Variants in ARHGAP44 observed in about 807,000 individuals in gnomAD.
The protein encoded by ARHGAP44 is rho GTPase-activating protein 44.
Under a neutral mutation model 106.8 loss-of-function variants are expected in ARHGAP44, and 43 were observed. That is an observed-to-expected ratio of 0.40 (90% CI 0.32 to 0.52). The LOEUF (loss-of-function observed/expected upper bound fraction) is 0.52, where lower values mean the gene tolerates loss of function less well. Among genes scored for constraint, ARHGAP44 ranks in the 20% least tolerant of loss-of-function variants. The probability of loss-of-function intolerance (pLI) is 0.48; values close to 1 mark genes in which losing one functional copy is unlikely to be tolerated. For missense variants in ARHGAP44, 866 were observed against 1,050.5 expected, an observed-to-expected ratio of 0.82 and a Z score of 2.43; for synonymous variants, 439 against 410.3, an observed-to-expected ratio of 1.07 and a Z score of -0.85.
At chr17:12,893,770 C>T (rs1206273029) in intron 1 of ARHGAP44, among the ~76,000 whole-genome samples, 2 of 152,070 alleles carry the variant, frequency 1.3e-5, no homozygotes, top group East Asian at 3.9e-4. Context: ...CTAGGCTGCT[C>T]CTTTCTTTGT....
chr17:12,989,928 T>C (rs981433561), intron 20 of ARHGAP44, 104 bp from the exon 21 acceptor site: 1 of 1,486,844 alleles, frequency 6.7e-7, no homozygotes, highest in Non-Finnish European at 9.2e-7. Context: ...ATCCCTAGAA[T>C]AGCAGCACCC....
intron 9 of ARHGAP44, 57 bp downstream of exon 9, chr17:12,943,726 G>A: frequency 6.5e-7 from 1 of 1,539,966 alleles, no homozygotes. Context: ...TGCCTTCCCG[G>A]ATGAGATGAA....
intron 1 of ARHGAP44, among the ~76,000 whole-genome samples, chr17:12,868,566 A>T (rs2150877747): frequency 7.5e-6 from 1 of 133,266 alleles, no homozygotes; most frequent in East Asian, 2.0e-4. Context: ...CCAAAAAGTC[A>T]TTTAAAAAGT....
chr17:12,898,213 T>C (rs1281984976), intron 3 of ARHGAP44, among the ~76,000 whole-genome samples: 2 of 152,242 alleles, frequency 1.3e-5, no homozygotes, highest in Non-Finnish European at 2.9e-5. Context: ...TTACGGACGA[T>C]TTCTAGTTGT....
intron 18 of ARHGAP44, among the ~76,000 whole-genome samples, chr17:12,977,761 C>A (rs560815563): frequency 6.6e-6 from 1 of 152,086 alleles, no homozygotes. Context: ...GTGTCCGGGC[C>A]GGGCGTGGTA....
Position 12,980,059 on chromosome 17 carries a change from A to G in ARHGAP44, c.1765A>G (p.Thr589Ala). 1 of 1,601,420 alleles carries G rather than the reference A, an allele frequency of 6.2e-7. No homozygotes were observed. The highest frequency in any genetic ancestry group is 8.5e-7 in the Non-Finnish European group (1 of 1,173,460). Residue 589 changes from threonine to alanine, a missense_variant and splice_region_variant, in exon 19 of 21, where the codon ACA (threonine) becomes GCA (alanine). Thr to Ala is a moderately conservative substitution (Grantham distance 58). Around this residue, in one of 2 missense-constraint regions of ARHGAP44, gnomAD observed 418 missense variants for 403.6 expected, o/e 1.04. Transcript: ENST00000379672. ...TTGTCTCATGTGCTTTCGTTTCAGC[A>G]CAACAAAAAGCAAGGAACTTTCTCC... is the stretch of plus-strand genomic sequence containing the variant. Reference protein sequence around the residue: ...GLQPGPERTSTTKSKELSPGS... With the variant: ...GLQPGPERTSATKSKELSPGS...
chr17:12,803,733 C>T (rs1304673609), intron 1 of ARHGAP44, among the ~76,000 whole-genome samples: 2 of 152,064 alleles, frequency 1.3e-5, no homozygotes, highest in African/African-American at 2.4e-5. Flanking sequence ...TCTGACTTCC[C>T]GCAACACAGC....
intron 1 of ARHGAP44, among the ~76,000 whole-genome samples, chr17:12,888,298 G>A (rs2036941016): frequency 6.6e-6 from 1 of 152,078 alleles, no homozygotes; most frequent in Admixed American, 6.6e-5. Context: ...TACATGTTAT[G>A]TTTTTATTTC....
rs1389648259 is a variant in ARHGAP44, at chr17:12,927,844, T to C, written c.465-1085T>C. ...GATTGTTTTTCTTAGAGCTGAGAAA[T>C]AGTTTTATATTTCCTGTCTCCATTA... On this transcript the variant is annotated intron_variant, in intron 6 of 20. Transcript: ENST00000379672. Among the ~76,000 whole-genome samples the C allele has an allele frequency of 2.0e-5, 3 of 152,288 alleles. No individual in the cohort carries two copies. The East Asian group carries it at 5.8e-4, about 29-fold the overall frequency.
chr17:12,829,433 A>G (rs1051351182), intron 1 of ARHGAP44, among the ~76,000 whole-genome samples: 6 of 151,110 alleles, frequency 4.0e-5, no homozygotes, highest in African/African-American at 1.5e-4. Flanking sequence ...TGTCTCTTTC[A>G]CTCTTTTGAC....
rs1216726918 is a variant in ARHGAP44, at chr17:12,991,589, C to G, written c.*1418C>G. On this transcript the variant is annotated 3_prime_UTR_variant, in exon 21 of 21. Transcript: ENST00000379672. ...GGTTGAAAGTTGTTATCTTTAAATA[C>G]ATGTACAAATCGTTGTCAAAAGTAA... The G allele has an allele frequency of 1.1e-5, 2 of 179,980 alleles. No homozygotes were observed. The highest frequency in any genetic ancestry group is 2.4e-5 in the Non-Finnish European group (2 of 83,904). The allele number at this position is 179,980 out of a possible 1,614,324, so 11.1% of individuals were successfully genotyped here. A position where few individuals can be genotyped will look rare whatever the true frequency, so the allele number is the denominator to read the frequency against.
intron 16 of ARHGAP44, among the ~76,000 whole-genome samples, chr17:12,969,491 A>G (rs2039474215): frequency 6.6e-6 from 1 of 152,204 alleles, no homozygotes; most frequent in Non-Finnish European, 1.5e-5. Flanking sequence ...GGATAATCAG[A>G]TAGAACTCCT....
intron 16 of ARHGAP44, among the ~76,000 whole-genome samples, chr17:12,972,847 G>C (rs2039564863): frequency 6.6e-6 from 1 of 151,730 alleles, no homozygotes; most frequent in Non-Finnish European, 1.5e-5. Flanking sequence ...ATTTTTAGTA[G>C]AGATGGGGTT....
At chr17:12,824,298 T>C (rs2034857077) in intron 1 of ARHGAP44, among the ~76,000 whole-genome samples, 1 of 152,094 alleles carries the variant, frequency 6.6e-6, no homozygotes, top group Non-Finnish European at 1.5e-5. Flanking sequence ...AGGAGTGATA[T>C]GATTTTGCTT....
intron 1 of ARHGAP44, among the ~76,000 whole-genome samples, chr17:12,862,233 C>T (rs1407742330): frequency 6.6e-6 from 1 of 152,098 alleles, no homozygotes; most frequent in African/African-American, 2.4e-5. Flanking sequence ...AGGGGAGAGT[C>T]TGCCAAAGAA....
In ARHGAP44 at chr17:12,938,811, AT is replaced by A. The variant is rs990346195; in HGVS notation, c.583-2238del. 2.6e-5 allele frequency among the ~76,000 whole-genome samples: 4 copies of A among 152,124 alleles called. No homozygotes were observed. In the East Asian group the frequency reaches 7.7e-4, roughly 29 times the overall value. On this transcript the variant is annotated intron_variant, in intron 7 of 20. Transcript: ENST00000379672. ...TTATAGTTTCCTTACTTGAAGTGTGATTTTTTTGGAATCCATATTGTTAGCT... is the reference window on the plus strand; with the variant it reads ...TTATAGTTTCCTTACTTGAAGTGTGATTTTTTGGAATCCATATTGTTAGCT...
At chr17:12,897,927 T>TA in intron 3 of ARHGAP44, among the ~76,000 whole-genome samples, 1 of 152,012 alleles carries the variant, frequency 6.6e-6, no homozygotes, top group Admixed American at 6.6e-5. Context: ...TTGAGAGTCT[T>TA]ACGTATTATA....
At chr17:12,921,575 G>C (rs34002199) in intron 6 of ARHGAP44, among the ~76,000 whole-genome samples, 32 of 152,250 alleles carry the variant, frequency 2.1e-4, no homozygotes, top group South Asian at 4.1e-4. Context: ...TCAGACTCCA[G>C]AGTAGGCCAA....
intron 13 of ARHGAP44, among the ~76,000 whole-genome samples, chr17:12,955,092 A>T (rs1472685091): frequency 6.6e-6 from 1 of 152,208 alleles, no homozygotes; most frequent in Non-Finnish European, 1.5e-5. Flanking sequence ...GGCATTTCAT[A>T]TAAGTGGAAT....
Sources: allele counts gnomAD v4.1 joint callset (sites outside exome capture counted in the v4.1 genomes callset), GRCh38; gene constraint gnomAD v4.1.1; regional missense constraint gnomAD v4.1.1; transcripts MANE v1.5; gene names NCBI Gene and HGNC (gene_info 2026-07-23, HGNC 2026-07-21).